The following PPP1R16B variants were observed in gnomAD, a reference collection of about 807,000 sequenced individuals.
The protein encoded by PPP1R16B is protein phosphatase 1 regulatory subunit 16B, also known as protein phosphatase 1 regulatory inhibitor subunit 16B.
PPP1R16B carries 14 observed loss-of-function variants against 61.7 expected under a neutral mutation model. The ratio of observed to expected loss-of-function variants is 0.23; its 90% CI spans 0.15 to 0.35. PPP1R16B has a LOEUF of 0.35. Ranked by LOEUF, PPP1R16B falls within the 10% of genes least tolerant of loss-of-function variation. The pLI, the probability that PPP1R16B is intolerant of heterozygous loss-of-function variation, is 1.00. For missense variants in PPP1R16B, 547 were observed against 752.5 expected, an observed-to-expected ratio of 0.73 and a Z score of 3.19; for synonymous variants, 266 against 305.3, an observed-to-expected ratio of 0.87 and a Z score of 1.34.
chr20:38,835,477 G>A lies in PPP1R16B; in HGVS notation c.-101-348G>A, dbSNP rs1170174646. Reference sequence around the variant, plus strand: ...AGGCAGACAACCAAGCTATCCAATAGAGCTTTCTGCAGTGATGGATATATT... The same window carrying A: ...AGGCAGACAACCAAGCTATCCAATAAAGCTTTCTGCAGTGATGGATATATT... On this transcript the variant is annotated intron_variant, in intron 1 of 10. Coordinates refer to ENST00000299824, the MANE Select transcript of PPP1R16B (RefSeq NM_015568.4). Among the ~76,000 whole-genome samples, 6 of 152,380 alleles carry A rather than the reference G, an allele frequency of 3.9e-5. No individual in the cohort carries two copies. In the East Asian group the frequency reaches 1.2e-3, roughly 29 times the overall value.
At chr20:38,828,313 A>T (rs2084816452) in intron 1 of PPP1R16B, among the ~76,000 whole-genome samples, 1 of 152,172 alleles carries the variant, frequency 6.6e-6, no homozygotes, top group African/African-American at 2.4e-5. Flanking sequence ...GCCAAGAAAT[A>T]ACCATTGTAA....
At chr20:38,906,473 T>G (rs1400923925) in intron 7 of PPP1R16B, among the ~76,000 whole-genome samples, 1 of 151,942 alleles carries the variant, frequency 6.6e-6, no homozygotes, top group East Asian at 1.9e-4. Context: ...TTTTGTATTT[T>G]TAGTAGAGAC....
At chr20:38,916,954 A>G (rs1435125230) in intron 10 of PPP1R16B, among the ~76,000 whole-genome samples, 1 of 152,188 alleles carries the variant, frequency 6.6e-6, no homozygotes. Flanking sequence ...TGTGGGCTAC[A>G]TATTAGTATC....
intron 2 of PPP1R16B, among the ~76,000 whole-genome samples, chr20:38,837,382 A>T (rs1479245523): frequency 1.3e-5 from 2 of 152,130 alleles, no homozygotes; most frequent in African/African-American, 4.8e-5. Flanking sequence ...ATATTAGTAT[A>T]TTTTATTTAC....
At chr20:38,844,581 A>G (rs1012219840) in intron 2 of PPP1R16B, among the ~76,000 whole-genome samples, 4 of 152,356 alleles carry the variant, frequency 2.6e-5, no homozygotes, top group Admixed American at 2.6e-4. Context: ...ATGGAATATT[A>G]AAAGGACATG....
chr20:38,877,221 C>T (rs926190060), intron 2 of PPP1R16B, among the ~76,000 whole-genome samples: 4 of 152,070 alleles, frequency 2.6e-5, no homozygotes, highest in South Asian at 2.1e-4. Flanking sequence ...CATCCTTGTT[C>T]GTAAATCTTT....
chr20:38,914,444 G>T (rs567425418), intron 10 of PPP1R16B, among the ~76,000 whole-genome samples: 7 of 152,098 alleles, frequency 4.6e-5, no homozygotes, highest in Non-Finnish European at 1.0e-4. Context: ...CAAGATGATG[G>T]TGCCTACCAC....
At chr20:38,874,139 A>C (rs909254878) in intron 2 of PPP1R16B, among the ~76,000 whole-genome samples, 5 of 152,160 alleles carry the variant, frequency 3.3e-5, no homozygotes, top group African/African-American at 1.2e-4. Context: ...GAATCCTAGG[A>C]GGCTGGGGTA....
chr20:38,843,924 T>A lies in PPP1R16B; in HGVS notation c.250+7749T>A, dbSNP rs547074601. Among the ~76,000 whole-genome samples, 346 of 152,326 alleles carry A rather than the reference T, an allele frequency of 2.3e-3. 1 individual carries two copies. The highest frequency in any genetic ancestry group is 7.4e-3 in the African/African-American group (309 of 41,574). ...GTTGAAGTAAATAAAGAAAATCTTA[T>A]GTAGTTGGAAAAGGGAGGAAATATT... On this transcript the variant is annotated intron_variant, in intron 2 of 10. Transcript: ENST00000299824.
intron 1 of PPP1R16B, among the ~76,000 whole-genome samples, chr20:38,815,289 T>G (rs1451086695): frequency 6.6e-6 from 1 of 152,222 alleles, no homozygotes; most frequent in Non-Finnish European, 1.5e-5. Flanking sequence ...TACAAAACTC[T>G]CCTGAGATCT....
At chr20:38,807,179 G>A (rs1207684869) in intron 1 of PPP1R16B, among the ~76,000 whole-genome samples, 2 of 152,316 alleles carry the variant, frequency 1.3e-5, no homozygotes, top group Non-Finnish European at 2.9e-5. Flanking sequence ...ATTTCCTGCG[G>A]CTGGTGAAGC....
At chr20:38,867,989 A>G (rs893915039) in intron 2 of PPP1R16B, among the ~76,000 whole-genome samples, 2 of 152,136 alleles carry the variant, frequency 1.3e-5, no homozygotes, top group African/African-American at 4.8e-5. Context: ...CTTTGATTCT[A>G]TCAGTTGGTG....
At chr20:38,895,931 T>C (rs565621444) in intron 4 of PPP1R16B, among the ~76,000 whole-genome samples, 8 of 95,944 alleles carry the variant, frequency 8.3e-5, no homozygotes, top group African/African-American at 3.3e-4. Context: ...CCTCCCTCCT[T>C]CCTTCTTTCT....
intron 1 of PPP1R16B, among the ~76,000 whole-genome samples, chr20:38,807,561 G>A (rs2084670849): frequency 6.6e-6 from 1 of 152,112 alleles, no homozygotes; most frequent in Admixed American, 6.5e-5. Context: ...GGAGGCCGGT[G>A]GGGGCCAGCA....
intron 2 of PPP1R16B, among the ~76,000 whole-genome samples, chr20:38,862,476 A>G (rs901215787): frequency 6.6e-6 from 1 of 152,154 alleles, no homozygotes; most frequent in Admixed American, 6.5e-5. Context: ...ACACAACCCT[A>G]CCACCTAAAA....
chr20:38,814,076 C>T (rs1312788975), intron 1 of PPP1R16B, among the ~76,000 whole-genome samples: 1 of 152,140 alleles, frequency 6.6e-6, no homozygotes, highest in Non-Finnish European at 1.5e-5. Flanking sequence ...GGATTACAGG[C>T]ATGAGCCACT....
At chr20:38,828,407 T>C (rs2084816992) in intron 1 of PPP1R16B, among the ~76,000 whole-genome samples, 2 of 152,240 alleles carry the variant, frequency 1.3e-5, no homozygotes, top group Non-Finnish European at 1.5e-5. Flanking sequence ...GGGGTCCCTA[T>C]TTCTGCACCC....
intron 2 of PPP1R16B, among the ~76,000 whole-genome samples, chr20:38,840,294 C>T (rs1164180949): frequency 6.6e-6 from 1 of 152,100 alleles, no homozygotes; most frequent in Non-Finnish European, 1.5e-5. Context: ...CCCCTGAGCT[C>T]ACAGCAGCCT....
chr20:38,858,966 G>C (rs1004723022), intron 2 of PPP1R16B, among the ~76,000 whole-genome samples: 1 of 152,304 alleles, frequency 6.6e-6, no homozygotes, highest in Non-Finnish European at 1.5e-5. Flanking sequence ...GCCTCTCTAC[G>C]ATGGTGGCCT....
Sources: allele counts gnomAD v4.1 joint callset (sites outside exome capture counted in the v4.1 genomes callset), GRCh38; gene constraint gnomAD v4.1.1; transcripts MANE v1.5; gene names NCBI Gene and HGNC (gene_info 2026-07-23, HGNC 2026-07-21).